EEF1AKMT2: variants seen among roughly 807,000 people sequenced by gnomAD.
EEF1AKMT2 encodes eukaryotic translation elongation factor 1 alpha lysine methyltransferase 2.
EEF1AKMT2 carries 32 observed loss-of-function variants against 35.8 expected under a neutral mutation model. The ratio of observed to expected loss-of-function variants is 0.89; its 90% CI spans 0.67 to 1.20. EEF1AKMT2 has a LOEUF of 1.20. Among genes scored for constraint, EEF1AKMT2 ranks in the 50% most tolerant of loss-of-function variants. The probability of loss-of-function intolerance (pLI) is 0.00; values close to 1 mark genes in which losing one functional copy is unlikely to be tolerated. For missense variants in EEF1AKMT2, 330 were observed against 347.5 expected, an observed-to-expected ratio of 0.95 and a Z score of 0.40; for synonymous variants, 121 against 133.7, an observed-to-expected ratio of 0.91 and a Z score of 0.65.
In EEF1AKMT2 at chr10:124,760,347, T is replaced by C; in HGVS notation, c.*156A>G. On this transcript the variant is annotated 3_prime_UTR_variant, in exon 7 of 7. Transcript: ENST00000368836. ...CATTTATTTGCACAAGGATTTTCTG[T>C]GTCAGGTTAACTTTGCTGTGTAGAT... is the stretch of plus-strand genomic sequence containing the variant. 1 of 1,106,688 alleles carries C rather than the reference T, an allele frequency of 9.0e-7. No individual in the cohort carries two copies. Among genetic ancestry groups the C allele is most frequent in the Non-Finnish European group, 1.3e-6 (1 of 744,676 alleles). The allele number at this position is 1,106,688 out of a possible 1,614,324, so 68.6% of individuals were successfully genotyped here.
At chr10:124,782,861 C>A (rs35389708) in intron 3 of EEF1AKMT2, 3,581 of 263,338 alleles carry the variant, frequency 0.014, 39 homozygotes, top group Non-Finnish European at 0.02. Context: ...AAAATGTAGA[C>A]CTAAATCCAA....
intron 3 of EEF1AKMT2, among the ~76,000 whole-genome samples, chr10:124,779,110 T>C (rs917201173): frequency 4.6e-5 from 7 of 151,850 alleles, no homozygotes; most frequent in African/African-American, 1.5e-4. Context: ...AATAAAAATC[T>C]CTCAATCCAG....
intron 3 of EEF1AKMT2, among the ~76,000 whole-genome samples, chr10:124,787,257 T>C (rs969959418): frequency 1.3e-5 from 2 of 151,994 alleles, no homozygotes; most frequent in South Asian, 2.1e-4. Flanking sequence ...CACAAAGGAA[T>C]CTTATATGGC....
At chr10:124,771,814 A>G (rs1344024550) in intron 4 of EEF1AKMT2, among the ~76,000 whole-genome samples, 1 of 152,158 alleles carries the variant, frequency 6.6e-6, no homozygotes, top group Admixed American at 6.5e-5. Context: ...GCTTGCAGTG[A>G]GCTGAGATCG....
chr10:124,786,452 G>A (rs556796081), intron 3 of EEF1AKMT2, among the ~76,000 whole-genome samples: 1 of 151,264 alleles, frequency 6.6e-6, no homozygotes, highest in South Asian at 2.1e-4. Flanking sequence ...CTTGCAGTGA[G>A]CCGAGATCGC....
At position 124,758,089 on chromosome 10, in the gene EEF1AKMT2, G is replaced by A. The variant is rs915931695; in HGVS notation, c.*2414C>T. The A allele has an allele frequency of 6.6e-6, 1 of 152,146 alleles. No individual in the cohort carries two copies. Among genetic ancestry groups the A allele is most frequent in the African/African-American group, 2.4e-5 (1 of 41,430 alleles). 9.4% of individuals were successfully genotyped at this position (152,146 alleles called of 1,614,324 possible). On this transcript the variant is annotated 3_prime_UTR_variant, in exon 7 of 7. Transcript: ENST00000368836. ...AATCATAGTGAAAAGCAGCAATTCCGTGAAGGCTCCACAGAGAAATCGCGT... is the reference window on the plus strand; with the variant it reads ...AATCATAGTGAAAAGCAGCAATTCCATGAAGGCTCCACAGAGAAATCGCGT...
intron 4 of EEF1AKMT2, among the ~76,000 whole-genome samples, chr10:124,774,361 C>T (rs1265081609): frequency 1.6e-4 from 16 of 99,084 alleles, no homozygotes; most frequent in Non-Finnish European, 2.7e-4. Flanking sequence ...GGCAACTGAG[C>T]GAGACTCAGT....
At position 124,784,555 on chromosome 10, in the gene EEF1AKMT2, G is replaced by A. The variant is rs61872088; in HGVS notation, c.291+4488C>T. Among the ~76,000 whole-genome samples the A allele has an allele frequency of 5.7e-3, 869 of 151,332 alleles. 12 individuals are homozygous for A. Among genetic ancestry groups the A allele is most frequent in the Non-Finnish European group, 4.0e-3 (274 of 67,882 alleles). Reference sequence around the variant, plus strand: ...GAAAAGTCTCAAATCAATAACCTAAGCTTCCACCTTAAGAAAGTAAAAAAA... The same window carrying A: ...GAAAAGTCTCAAATCAATAACCTAAACTTCCACCTTAAGAAAGTAAAAAAA... On this transcript the variant is annotated intron_variant, in intron 3 of 6. Coordinates refer to ENST00000368836, the MANE Select transcript of EEF1AKMT2 (RefSeq NM_212554.4).
rs188668636 is a variant in EEF1AKMT2 at position 124,776,166 on chromosome 10, C to A, written c.292-1384G>T. Among the ~76,000 whole-genome samples, 219 of 152,076 alleles carry A rather than the reference C, an allele frequency of 1.4e-3. 2 individuals carry two copies. Among genetic ancestry groups the A allele is most frequent in the African/African-American group, 5.2e-3 (214 of 41,472 alleles). ...TTGATCTCCTGACCTCGTGATCCGCCCACCTCGGCCTACCGGTTCCTTCTT... is the reference window on the plus strand; with the variant it reads ...TTGATCTCCTGACCTCGTGATCCGCACACCTCGGCCTACCGGTTCCTTCTT... On this transcript the variant is annotated intron_variant, in intron 3 of 6. Transcript: ENST00000368836.
chr10:124,780,714 T>C (rs1337977554), intron 3 of EEF1AKMT2, among the ~76,000 whole-genome samples: 1 of 149,366 alleles, frequency 6.7e-6, no homozygotes, highest in South Asian at 2.1e-4. Flanking sequence ...GCTAGAAATA[T>C]CGCAAATCTG....
chr10:124,769,116 G>A (rs1258506779), intron 4 of EEF1AKMT2, among the ~76,000 whole-genome samples: 5 of 149,242 alleles, frequency 3.4e-5, no homozygotes, highest in African/African-American at 1.2e-4. Flanking sequence ...TACTCTGGAG[G>A]CTTTGGTGGA....
At chr10:124,767,856 C>T (rs1055655395) in intron 4 of EEF1AKMT2, among the ~76,000 whole-genome samples, 2 of 151,832 alleles carry the variant, frequency 1.3e-5, no homozygotes, top group Non-Finnish European at 2.9e-5. Context: ...CGTGGTGGCG[C>T]ATGCCAGTAA....
intron 2 of EEF1AKMT2, 98 bp from the exon 3 acceptor site, chr10:124,789,255 T>C (rs1366390957): frequency 1.4e-6 from 1 of 733,304 alleles, no homozygotes; most frequent in African/African-American, 1.8e-5. Context: ...AAACTCTTAT[T>C]TGAAAGTGAA....
intron 3 of EEF1AKMT2, among the ~76,000 whole-genome samples, chr10:124,776,958 G>T (rs1458860550): frequency 6.6e-6 from 1 of 151,894 alleles, no homozygotes; most frequent in African/African-American, 2.4e-5. Context: ...CAAAAGAATG[G>T]AAAATTAAAA....
chr10:124,784,204 T>G (rs2134140734), intron 3 of EEF1AKMT2, among the ~76,000 whole-genome samples: 1 of 152,052 alleles, frequency 6.6e-6, no homozygotes, highest in Non-Finnish European at 1.5e-5. Flanking sequence ...CTTAACAAAT[T>G]TAAAAGGATT....
At chr10:124,765,307 A>T in intron 5 of EEF1AKMT2, 85 bp downstream of exon 5, 1 of 1,122,642 alleles carries the variant, frequency 8.9e-7, no homozygotes, top group South Asian at 1.4e-5. Context: ...AAAGTAAAAC[A>T]CTATAACACA....
At chr10:124,783,549 C>T (rs998069153) in intron 3 of EEF1AKMT2, among the ~76,000 whole-genome samples, 4 of 152,124 alleles carry the variant, frequency 2.6e-5, no homozygotes, top group Admixed American at 1.3e-4. Context: ...TTAAACTTAC[C>T]GAGTATGCTT....
chr10:124,788,984 C>T (rs1284902235), intron 3 of EEF1AKMT2, 59 bp downstream of exon 3: 1 of 1,132,556 alleles, frequency 8.8e-7, no homozygotes, highest in Non-Finnish European at 1.3e-6. Flanking sequence ...AATTGCAGGG[C>T]CTTTAAAAAT....
At chr10:124,768,220 G>A (rs1332627462) in intron 4 of EEF1AKMT2, among the ~76,000 whole-genome samples, 2 of 152,198 alleles carry the variant, frequency 1.3e-5, no homozygotes, top group Non-Finnish European at 2.9e-5. Flanking sequence ...GAGGGACTTT[G>A]TAAGGCTGGA....
Sources: allele counts gnomAD v4.1 joint callset (sites outside exome capture counted in the v4.1 genomes callset), GRCh38; gene constraint gnomAD v4.1.1; transcripts MANE v1.5; gene names NCBI Gene and HGNC (gene_info 2026-07-23, HGNC 2026-07-21).